Variants in TOP6BL observed in about 807,000 individuals in gnomAD.
TOP6BL encodes type 2 DNA topoisomerase 6 subunit B-like.
the TOP6BL span, among the ~76,000 whole-genome samples, chr11:66,792,114 C>T: frequency 5.3e-5 from 8 of 152,196 alleles, no homozygotes; most frequent in East Asian, 1.4e-3. Context: ...CCAGCTTCCT[C>T]TCTCTAATAA....
At chr11:66,825,188 CCCCAGGCCGGGCGTGG>C in the TOP6BL span, among the ~76,000 whole-genome samples, 1 of 151,452 alleles carries the variant, frequency 6.6e-6, no homozygotes, top group East Asian at 2.0e-4. Flanking sequence ...ATAAAAAAGG[CCCCAGGCCGGGCGTGG>C]TGGCTCATGC....
chr11:66,828,589 G>A, the TOP6BL span: 7 of 468,906 alleles, frequency 1.5e-5, no homozygotes, highest in South Asian at 1.9e-4. Flanking sequence ...TTCATGTGTT[G>A]TATCCAGGAT....
At chr11:66,783,652 A>T in the TOP6BL span, among the ~76,000 whole-genome samples, 1 of 151,838 alleles carries the variant, frequency 6.6e-6, no homozygotes, top group Non-Finnish European at 1.5e-5. Flanking sequence ...CGTTTGGTAA[A>T]ACTGTTCAGA....
the TOP6BL span, chr11:66,838,275 T>G: frequency 1.4e-5 from 15 of 1,060,872 alleles, no homozygotes; most frequent in Non-Finnish European, 2.2e-5. Context: ...GATAACCTTG[T>G]GAGGTCAGTG....
the TOP6BL span, among the ~76,000 whole-genome samples, chr11:66,760,993 C>T: frequency 1.9e-4 from 28 of 145,608 alleles, no homozygotes; most frequent in Middle Eastern, 7.1e-3. Flanking sequence ...ACTTAAAGCA[C>T]CTTTTTTTTT....
chr11:66,777,626 C>T, the TOP6BL span, among the ~76,000 whole-genome samples: 1 of 152,044 alleles, frequency 6.6e-6, no homozygotes, highest in Non-Finnish European at 1.5e-5. Context: ...CGTGGTGGCT[C>T]ATACCTGTGA....
At chr11:66,805,125 T>C in the TOP6BL span, among the ~76,000 whole-genome samples, 2 of 152,072 alleles carry the variant, frequency 1.3e-5, no homozygotes, top group African/African-American at 2.4e-5. Flanking sequence ...TCCCATCTAC[T>C]TGGGAGGCTG....
the TOP6BL span, among the ~76,000 whole-genome samples, chr11:66,778,225 C>T: frequency 6.6e-6 from 1 of 151,710 alleles, no homozygotes; most frequent in African/African-American, 2.4e-5. Flanking sequence ...TAGGGACAAA[C>T]TTCTAGGATG....
the TOP6BL span, among the ~76,000 whole-genome samples, chr11:66,765,986 T>C: frequency 1.3e-5 from 2 of 152,248 alleles, no homozygotes; most frequent in African/African-American, 4.8e-5. Context: ...AGCAAACTGC[T>C]TTAAATTGGT....
the TOP6BL span, among the ~76,000 whole-genome samples, chr11:66,764,410 T>G: frequency 6.6e-6 from 1 of 150,696 alleles, no homozygotes; most frequent in Non-Finnish European, 1.5e-5. Flanking sequence ...TCCCAGCACT[T>G]TGGGAGGCCT....
the TOP6BL span, among the ~76,000 whole-genome samples, chr11:66,782,458 C>T: frequency 6.6e-6 from 1 of 152,174 alleles, no homozygotes; most frequent in East Asian, 1.9e-4. Context: ...CTTTGTATCT[C>T]CCTCTTCTCC....
chr11:66,812,539 A>G, the TOP6BL span, among the ~76,000 whole-genome samples: 1 of 152,100 alleles, frequency 6.6e-6, no homozygotes, highest in South Asian at 2.1e-4. Flanking sequence ...TCATGTGTTA[A>G]TGCCTTCTGA....
At chr11:66,769,557 A>G in the TOP6BL span, among the ~76,000 whole-genome samples, 2 of 151,930 alleles carry the variant, frequency 1.3e-5, no homozygotes, top group Admixed American at 1.3e-4. Context: ...GTACATATAG[A>G]ACTTATACAA....
At chr11:66,759,702 GC>G in the TOP6BL span, among the ~76,000 whole-genome samples, 1 of 152,120 alleles carries the variant, frequency 6.6e-6, no homozygotes, top group Non-Finnish European at 1.5e-5. Flanking sequence ...TCCTGCCTCA[GC>G]CTTCCGAGTA....
the TOP6BL span, among the ~76,000 whole-genome samples, chr11:66,773,199 A>G: frequency 6.6e-6 from 1 of 151,694 alleles, no homozygotes; most frequent in Admixed American, 6.6e-5. Context: ...ATTCAGGACT[A>G]TAGGCCTGCA....
At chr11:66,762,009 A>G in the TOP6BL span, 1 of 1,555,444 alleles carries the variant, frequency 6.4e-7, no homozygotes, top group Non-Finnish European at 8.9e-7. Flanking sequence ...GCTGTTGTTA[A>G]TATTGAAAGT....
At chr11:66,791,816 TAA>T in the TOP6BL span, among the ~76,000 whole-genome samples, 4 of 151,056 alleles carry the variant, frequency 2.6e-5, no homozygotes, top group African/African-American at 9.7e-5. Context: ...CTCTTTCTAA[TAA>T]TTTTTTTTTT....
At chr11:66,773,166 CT>C in the TOP6BL span, among the ~76,000 whole-genome samples, 18 of 152,074 alleles carry the variant, frequency 1.2e-4, no homozygotes, top group Admixed American at 2.0e-4. Context: ...ACCTCCCTGG[CT>C]CAAGCGATCC....
At chr11:66,779,182 G>C in the TOP6BL span, among the ~76,000 whole-genome samples, 1 of 152,128 alleles carries the variant, frequency 6.6e-6, no homozygotes, top group Non-Finnish European at 1.5e-5. Flanking sequence ...TTAAACTAAA[G>C]AGCTTCTGCA....
Sources: allele counts gnomAD v4.1 joint callset (sites outside exome capture counted in the v4.1 genomes callset), GRCh38; gene constraint gnomAD v4.1.1; transcripts MANE v1.5; gene names NCBI Gene and HGNC (gene_info 2026-07-23, HGNC 2026-07-21).